PAPPA2: variants seen among roughly 807,000 people sequenced by gnomAD.
PAPPA2 encodes the protein pappalysin-2.
Under a neutral mutation model 176.4 loss-of-function variants are expected in PAPPA2, and 86 were observed. The observed-to-expected ratio is 0.49, with a 90% CI of 0.41 to 0.58. The LOEUF (loss-of-function observed/expected upper bound fraction) is 0.58, where lower values mean the gene tolerates loss of function less well. PAPPA2 is among the 20% of genes least tolerant of loss of function. The pLI is 0.00. For synonymous variants in PAPPA2, 809 were observed against 852.2 expected (o/e 0.95, Z 0.88); for missense variants, 2,073 against 2,256.9 (o/e 0.92, Z 1.65).
At chr1:176,823,312 G>A (rs1009014606) in intron 21 of PAPPA2, among the ~76,000 whole-genome samples, 1 of 152,196 alleles carries the variant, frequency 6.6e-6, no homozygotes, top group African/African-American at 2.4e-5. Flanking sequence ...ATAACATAAA[G>A]TATTATTAGT....
rs535287257 is a variant in PAPPA2 at position 176,654,134 on chromosome 1, C to A, written c.1992-16836C>A. On this transcript the variant is annotated intron_variant, in intron 3 of 22. Coordinates refer to ENST00000367662, the MANE Select transcript of PAPPA2 (RefSeq NM_020318.3). Reference sequence around the variant, plus strand: ...AGTCATTCATAATCATTGCCTAGATCAACATCCAGAAGAGTTTTCCCTAGG... The same window carrying A: ...AGTCATTCATAATCATTGCCTAGATAAACATCCAGAAGAGTTTTCCCTAGG... 5.0e-4 allele frequency among the ~76,000 whole-genome samples: 76 copies of A among 151,802 alleles called. 3 individuals carry two copies. The South Asian group carries it at 0.015, about 31-fold the overall frequency.
At chr1:176,481,293 C>T (rs1652386439) in intron 1 of PAPPA2, among the ~76,000 whole-genome samples, 1 of 131,478 alleles carries the variant, frequency 7.6e-6, no homozygotes. Flanking sequence ...CACACACACA[C>T]ACACACAGAC....
Position 176,702,721 on chromosome 1 carries a change from T to A in PAPPA2, c.3351T>A (p.Asp1117Glu), listed in dbSNP as rs770775322. 3.1e-6 allele frequency: 5 copies of A among 1,606,350 alleles called. No individual in the cohort carries two copies. Among genetic ancestry groups the A allele is most frequent in the Non-Finnish European group, 4.2e-6 (5 of 1,178,192 alleles). ...TTCATGGAGCTCCTTATTGTGGAGATGGGAAGGTGTCAGAGTGAGTATTTT... is the reference window on the plus strand; with the variant it reads ...TTCATGGAGCTCCTTATTGTGGAGAAGGGAAGGTGTCAGAGTGAGTATTTT... ...NHIHGAPYCG[D>E]GKVSERLGEE... Residue 1117 changes from aspartate to glutamate, a missense_variant, in exon 9 of 23, where the codon GAT becomes GAA. Around this residue, in one of 4 missense-constraint regions of PAPPA2, gnomAD observed 846 missense variants for 857.9 expected, o/e 0.99. Transcript: ENST00000367662.
At chr1:176,816,264 T>A (rs1666396454) in intron 21 of PAPPA2, among the ~76,000 whole-genome samples, 1 of 146,094 alleles carries the variant, frequency 6.8e-6, no homozygotes, top group Non-Finnish European at 1.5e-5. Flanking sequence ...TATGTATGTA[T>A]GTACACACGT....
chr1:176,837,235 A>G (rs1166112000), intron 21 of PAPPA2, among the ~76,000 whole-genome samples: 1 of 152,150 alleles, frequency 6.6e-6, no homozygotes, highest in Non-Finnish European at 1.5e-5. Flanking sequence ...GAAAATAGGT[A>G]TCATTAGGCT....
chr1:176,606,673 C>G (rs149663690), intron 3 of PAPPA2, among the ~76,000 whole-genome samples: 47 of 152,212 alleles, frequency 3.1e-4, no homozygotes, highest in African/African-American at 9.9e-4. Flanking sequence ...CCATATTGAC[C>G]AGGCTGGTCT....
At chr1:176,517,185 C>T (rs1180042489) in intron 1 of PAPPA2, among the ~76,000 whole-genome samples, 1 of 152,152 alleles carries the variant, frequency 6.6e-6, no homozygotes, top group Non-Finnish European at 1.5e-5. Flanking sequence ...TGGTATTTCC[C>T]CCTTTCTTTT....
rs1191116254 is a variant in PAPPA2, at chr1:176,556,844, C to G, written c.522C>G (p.Thr174=). 1 of 1,614,140 alleles carries G rather than the reference C, an allele frequency of 6.2e-7. No homozygotes were observed. Among genetic ancestry groups the G allele is most frequent in the East Asian group, 2.2e-5 (1 of 44,876 alleles). The part of the protein sequence containing the change: ...KGSAMAATTT[T]AIFTTLNEPK... Reference sequence around the variant, plus strand: ...CAGCCATGGCTGCCACTACTACCACCGCCATTTTCACAACCCTGAACGAAC... The same window carrying G: ...CAGCCATGGCTGCCACTACTACCACGGCCATTTTCACAACCCTGAACGAAC... Residue 174 remains threonine, a synonymous_variant, in exon 2 of 23, where the codon ACC becomes ACG. Transcript: ENST00000367662.
chr1:176,737,859 G>T (rs906313302), intron 12 of PAPPA2, among the ~76,000 whole-genome samples: 2 of 152,048 alleles, frequency 1.3e-5, no homozygotes, highest in African/African-American at 4.8e-5. Flanking sequence ...CTTAAGGTGG[G>T]TATCTATTTT....
intron 21 of PAPPA2, among the ~76,000 whole-genome samples, chr1:176,809,218 T>G (rs1008712828): frequency 6.6e-6 from 1 of 152,214 alleles, no homozygotes; most frequent in Non-Finnish European, 1.5e-5. Context: ...TTGTATTATC[T>G]TAAAGCAGTC....
intron 1 of PAPPA2, among the ~76,000 whole-genome samples, chr1:176,514,692 A>G (rs1219210972): frequency 6.6e-6 from 1 of 152,212 alleles, no homozygotes; most frequent in East Asian, 1.9e-4. Flanking sequence ...AGACTTATTT[A>G]TCCATAGCAT....
At chr1:176,633,991 G>A (rs946207942) in intron 3 of PAPPA2, among the ~76,000 whole-genome samples, 1 of 152,170 alleles carries the variant, frequency 6.6e-6, no homozygotes, top group Non-Finnish European at 1.5e-5. Flanking sequence ...TTACACTATT[G>A]GTGGGACTGT....
At position 176,638,002 on chromosome 1, in the gene PAPPA2, C is replaced by G. The variant is rs561945883; in HGVS notation, c.1992-32968C>G. On this transcript the variant is annotated intron_variant, in intron 3 of 22. Coordinates refer to ENST00000367662, the MANE Select transcript of PAPPA2 (RefSeq NM_020318.3). ...TTATTATTTAGAGTGGAAACCTTTT[C>G]TTTTTAGTTGAATTATCTTAGTGTC... Among the ~76,000 whole-genome samples, 172 of 152,068 alleles carry G rather than the reference C, an allele frequency of 1.1e-3. 1 individual carries two copies. The highest frequency in any genetic ancestry group is 0.01 in the Middle Eastern group (3 of 294).
At chr1:176,574,758 T>C (rs1652552353) in intron 2 of PAPPA2, among the ~76,000 whole-genome samples, 1 of 152,206 alleles carries the variant, frequency 6.6e-6, no homozygotes, top group Non-Finnish European at 1.5e-5. Context: ...ATGTGTTGGT[T>C]AACAAGACAC....
At chr1:176,507,808 T>C (rs1401087841) in intron 1 of PAPPA2, among the ~76,000 whole-genome samples, 2 of 151,572 alleles carry the variant, frequency 1.3e-5, no homozygotes, top group African/African-American at 2.4e-5. Flanking sequence ...GAGGGAGGCA[T>C]GGGATGAAAA....
chr1:176,665,739 C>T (rs141518258), intron 3 of PAPPA2, among the ~76,000 whole-genome samples: 2 of 152,048 alleles, frequency 1.3e-5, no homozygotes, highest in Non-Finnish European at 1.5e-5. Flanking sequence ...TGTATTTAAC[C>T]GAAACTCAAC....
chr1:176,560,878 A>G (rs1442112454), intron 2 of PAPPA2, among the ~76,000 whole-genome samples: 2 of 152,242 alleles, frequency 1.3e-5, no homozygotes, highest in Non-Finnish European at 2.9e-5. Context: ...AAGTTGCAGG[A>G]GACTGAGTCA....
At chr1:176,630,947 T>C (rs1020156699) in intron 3 of PAPPA2, among the ~76,000 whole-genome samples, 3 of 152,162 alleles carry the variant, frequency 2.0e-5, no homozygotes, top group Non-Finnish European at 4.4e-5. Context: ...CGATCAGGAA[T>C]ATGTCATCAG....
intron 3 of PAPPA2, among the ~76,000 whole-genome samples, chr1:176,641,510 C>T (rs899606543): frequency 1.0e-4 from 15 of 150,686 alleles, no homozygotes; most frequent in African/African-American, 1.9e-4. Flanking sequence ...AGATATGCGG[C>T]GTTATTTCTG....
Sources: allele counts gnomAD v4.1 joint callset (sites outside exome capture counted in the v4.1 genomes callset), GRCh38; gene constraint gnomAD v4.1.1; regional missense constraint gnomAD v4.1.1; transcripts MANE v1.5; gene names NCBI Gene and HGNC (gene_info 2026-07-23, HGNC 2026-07-21).